Variants in WNK3 observed in about 807,000 individuals in gnomAD.
The protein encoded by WNK3 is WNK lysine deficient protein kinase 3, also known as serine/threonine-protein kinase WNK3.
A neutral mutation model predicts 116.7 loss-of-function variants in WNK3; 18 were observed. The ratio of observed to expected loss-of-function variants is 0.15; its 90% CI spans 0.11 to 0.23. WNK3 has a LOEUF of 0.23. Among genes scored for constraint, WNK3 ranks in the 10% least tolerant of loss-of-function variants. WNK3 has a pLI of 1.00. For missense variants in WNK3, 993 were observed against 1,323.8 expected (o/e 0.75, Z 3.88); for synonymous variants, 404 against 469.4 (o/e 0.86, Z 1.80).
chrX:54,316,760 G>T (rs1350884523), intron 2 of WNK3, among the ~76,000 whole-genome samples: 3 of 110,382 alleles, frequency 2.7e-5, no homozygotes, highest in African/African-American at 9.9e-5. Context: ...CATTAGGATG[G>T]CTATTATCTA....
At chrX:54,251,331 GGT>G (rs1411050554) in intron 15 of WNK3, 66 bp downstream of exon 15, 1 of 696,006 alleles carries the variant, frequency 1.4e-6, no homozygotes, top group African/African-American at 2.2e-5. Flanking sequence ...TCCCAATGAA[GGT>G]GTGTTAAAAG....
chrX:54,213,099 G>A (rs1423164965), intron 22 of WNK3, among the ~76,000 whole-genome samples: 1 of 110,017 alleles, frequency 9.1e-6, no homozygotes, highest in Non-Finnish European at 1.9e-5. Context: ...TCCTACCTCA[G>A]CCTCCTGCGT....
At chrX:54,255,784 G>T (rs372464064) in exon 12 of WNK3, 2 of 1,209,506 alleles carry the variant, frequency 1.7e-6, no homozygotes, top group Admixed American at 4.4e-5. Context: ...TCTGGTCGGG[G>T]ACAGGAAGCT....
At chrX:54,289,712 G>A (rs1557164622) in intron 10 of WNK3, among the ~76,000 whole-genome samples, 1 of 111,213 alleles carries the variant, frequency 9.0e-6, no homozygotes, top group East Asian at 2.8e-4. Flanking sequence ...TGTGAAGGCT[G>A]ATGGGCCCCT....
intron 10 of WNK3, among the ~76,000 whole-genome samples, chrX:54,266,981 G>C (rs1011490614): frequency 1.8e-5 from 2 of 110,882 alleles, no homozygotes; most frequent in South Asian, 7.7e-4. Flanking sequence ...TTATGAGTGA[G>C]AACATGCAGT....
At chrX:54,243,260 CAA>C (rs1454489624) in intron 17 of WNK3, among the ~76,000 whole-genome samples, 1 of 99,893 alleles carries the variant, frequency 1.0e-5, no homozygotes, top group Non-Finnish European at 2.0e-5. Flanking sequence ...ACTAAAAATA[CAA>C]AAAAAAAAAT....
In WNK3 at chrX:54,293,009, G is replaced by A. The variant is rs782328561; in HGVS notation, c.1916C>T (p.Pro639Leu). The change falls in exon 10 of 24, where the codon CCG (proline) becomes CTG (leucine). Residue 639 changes from proline to leucine, a missense_variant. Pro to Leu is a moderately conservative substitution (Grantham distance 98, BLOSUM62 -3). Coordinates refer to ENST00000354646, the Ensembl canonical transcript of WNK3. ...ACCTTGAACCAAAGGCAAAATCTGC[G>A]GCTGAGTCAGCTTTGAATGCTTCTG... 76 of 1,208,174 alleles carry A rather than the reference G, an allele frequency of 6.3e-5. No individual in the cohort carries two copies. The highest frequency in any genetic ancestry group is 1.2e-4 in the South Asian group (7 of 56,332).
At chrX:54,259,076 A>C (rs946453881) in intron 11 of WNK3, among the ~76,000 whole-genome samples, 198 bp downstream of exon 11, 12 of 107,462 alleles carry the variant, frequency 1.1e-4, no homozygotes, top group Non-Finnish European at 2.1e-4. Context: ...GAAAATGATC[A>C]ATTAATTTCA....
At chrX:54,316,359 T>C (rs2068955833) in intron 2 of WNK3, among the ~76,000 whole-genome samples, 1 of 109,311 alleles carries the variant, frequency 9.1e-6, no homozygotes. Context: ...TCCAACATGT[T>C]GGAACCCCGT....
rs150788845 is a variant in WNK3, at chrX:54,346,279, CAAAAAAAAAAAA to C, written c.-120+11395_-120+11406del. 6.6e-4 allele frequency among the ~76,000 whole-genome samples: 20 copies of C among 30,339 alleles called. No homozygotes were observed. In the South Asian group the frequency reaches 0.013, roughly 20 times the overall value. 26.3% of individuals were successfully genotyped at this position (30,339 alleles called of 115,157 possible). On this transcript the variant is annotated intron_variant, in intron 1 of 23. Coordinates refer to ENST00000354646, the Ensembl canonical transcript of WNK3. ...TGGAATTCAAAATTAGCTGATCAGC[CAAAAAAAAAAAA>C]AAAAAAAAAAAAGAACACAGGCTCG...
At chrX:54,201,492 G>A (rs782268500) in intron 23 of WNK3, among the ~76,000 whole-genome samples, 3 of 111,834 alleles carry the variant, frequency 2.7e-5, no homozygotes, top group Admixed American at 9.5e-5. Flanking sequence ...GAATATTGAC[G>A]TGAAACACAG....
chrX:54,302,743 ATATATATATATATATTTTT>A (rs2068776064), intron 5 of WNK3, among the ~76,000 whole-genome samples: 2 of 44,032 alleles, frequency 4.5e-5, no homozygotes, highest in Non-Finnish European at 8.4e-5. Context: ...ATATATATAT[ATATATATATATATATTTTT>A]TTTTTTTTTT....
chrX:54,275,412 C>CGTGTGTGT (rs1569537519), intron 10 of WNK3, among the ~76,000 whole-genome samples: 27 of 44,441 alleles, frequency 6.1e-4, no homozygotes, highest in African/African-American at 2.4e-3. Flanking sequence ...GGTATAAGTT[C>CGTGTGTGT]ATATGTGTGT....
At chrX:54,201,939 T>C (rs782263779) in intron 23 of WNK3, 52 bp downstream of exon 23, 70 of 1,111,033 alleles carry the variant, frequency 6.3e-5, no homozygotes, top group Non-Finnish European at 8.3e-5. Context: ...GCGCATCAAT[T>C]TTTATGGTTT....
At chrX:54,300,240 A>G (rs2068743981) in intron 6 of WNK3, among the ~76,000 whole-genome samples, 1 of 110,628 alleles carries the variant, frequency 9.0e-6, no homozygotes, top group Non-Finnish European at 1.9e-5. Flanking sequence ...GTAGCTTCCA[A>G]CTCCTGGGCT....
chrX:54,202,235 G>C, intron 22 of WNK3, 42 bp from the exon 23 acceptor site: 4 of 1,114,276 alleles, frequency 3.6e-6, no homozygotes, highest in Non-Finnish European at 4.8e-6. Flanking sequence ...CCATGAAAAA[G>C]AATTAAAACT....
At chrX:54,308,189 G>C in intron 4 of WNK3, 110 bp from the exon 5 acceptor site, 1 of 678,490 alleles carries the variant, frequency 1.5e-6, no homozygotes, top group Non-Finnish European at 2.1e-6. Flanking sequence ...CTCCCCCAAA[G>C]CAAATTTCTT....
At chrX:54,358,632 C>T (rs1205962937), upstream of WNK3, 2 of 112,878 alleles carry the variant, frequency 1.8e-5, no homozygotes, top group Non-Finnish European at 3.8e-5. Flanking sequence ...CGGCATGTCT[C>T]CCCCGCCCCC....
chrX:54,210,687 ATAAGT>A (rs2067603662), intron 22 of WNK3, among the ~76,000 whole-genome samples: 1 of 111,626 alleles, frequency 9.0e-6, no homozygotes, highest in African/African-American at 3.3e-5. Context: ...ATTTTAATAA[ATAAGT>A]TAATTTAACA....
Sources: gnomAD v4.1 joint callset for allele counts (sites outside exome capture counted in the v4.1 genomes callset) on GRCh38, gnomAD v4.1.1 for gene constraint, MANE v1.5 for transcripts, NCBI Gene and HGNC (gene_info 2026-07-23, HGNC 2026-07-21) for gene names.